TNFRSF13B: variants seen among roughly 807,000 people sequenced by gnomAD.
TNFRSF13B encodes tumor necrosis factor receptor superfamily member 13B.
Under a neutral mutation model 24.0 loss-of-function variants are expected in TNFRSF13B, and 34 were observed. The observed-to-expected ratio is 1.41, with a 90% CI of 1.08 to 1.88. TNFRSF13B has a LOEUF of 1.88. Ranked by LOEUF, TNFRSF13B falls within the 40% of genes most tolerant of loss-of-function variation. TNFRSF13B has a pLI of 0.00. For synonymous variants in TNFRSF13B, 173 were observed against 150.3 expected (o/e 1.15, Z -1.10); for missense variants, 415 against 380.8 (o/e 1.09, Z -0.75).
chr17:16,940,920 C>T, intron 3 of TNFRSF13B: 1 of 1,103,158 alleles, frequency 9.1e-7, no homozygotes, highest in Non-Finnish European at 1.1e-6. Context: ...TACAGTCGTC[C>T]CTTGGTATCC....
Position 16,939,407 on chromosome 17 carries a change from C to G in TNFRSF13B, c.*140G>C. 9.6e-7 allele frequency: 1 copy of G among 1,038,092 alleles called. No homozygotes were observed. Among genetic ancestry groups the G allele is most frequent in the East Asian group, 2.7e-5 (1 of 36,380 alleles). 64.3% of individuals were successfully genotyped at this position (1,038,092 alleles called of 1,614,324 possible). A position where few individuals can be genotyped will look rare whatever the true frequency, so the allele number is the denominator to read the frequency against. Reference sequence around the variant, plus strand: ...TCTCTCTCCCTCTGTCTCTCTCTCCCTCTCTGTCTCCTCTGTTTCTCTCCC... The same window carrying G: ...TCTCTCTCCCTCTGTCTCTCTCTCCGTCTCTGTCTCCTCTGTTTCTCTCCC... On this transcript the variant is annotated 3_prime_UTR_variant, in exon 5 of 5. Coordinates refer to ENST00000261652, the MANE Select transcript of TNFRSF13B (RefSeq NM_012452.3).
rs551158631 is a variant in TNFRSF13B, at chr17:16,939,271, G to A, written c.*276C>T. Reference sequence around the variant, plus strand: ...TCTCTCTGTCCCTCTCTCCCTCTCTGTCTCTCTGCCTCTCTCCCTCTCTGC... The same window carrying A: ...TCTCTCTGTCCCTCTCTCCCTCTCTATCTCTCTGCCTCTCTCCCTCTCTGC... On this transcript the variant is annotated 3_prime_UTR_variant, in exon 5 of 5. Coordinates refer to ENST00000261652, the MANE Select transcript of TNFRSF13B (RefSeq NM_012452.3). The A allele has an allele frequency of 4.6e-6, 2 of 433,562 alleles. No individual in the cohort carries two copies. Among genetic ancestry groups the A allele is most frequent in the Non-Finnish European group, 8.2e-6 (2 of 243,230 alleles). 26.9% of individuals were successfully genotyped at this position (433,562 alleles called of 1,614,324 possible).
chr17:16,939,798 C>T lies in TNFRSF13B; in HGVS notation c.632-1G>A. On this transcript the variant is annotated splice_acceptor_variant, in intron 4 of 4. Transcript: ENST00000261652. LOFTEE classifies it high-confidence loss of function. ...GGGCTGCCGGCTTCCATCGCGTGAT[C>T]TGCAGAGGCGAGAGTGGAGGGCGTG... 2 of 1,611,204 alleles carry T rather than the reference C, an allele frequency of 1.2e-6. No individual in the cohort carries two copies. The highest frequency in any genetic ancestry group is 1.7e-6 in the Non-Finnish European group (2 of 1,179,222).
intron 1 of TNFRSF13B, among the ~76,000 whole-genome samples, chr17:16,956,847 G>C (rs1178269036): frequency 3.9e-5 from 6 of 152,226 alleles, no homozygotes; most frequent in African/African-American, 1.4e-4. Flanking sequence ...GTGATTCCCA[G>C]GGGTTGGAGG....
chr17:16,941,274 C>A (rs530836125), intron 3 of TNFRSF13B: 1 of 987,606 alleles, frequency 1.0e-6, no homozygotes, highest in Non-Finnish European at 1.2e-6. Context: ...GTAGGACAGG[C>A]GACGTTACAC....
At chr17:16,967,138 C>T (rs193105707) in intron 1 of TNFRSF13B, among the ~76,000 whole-genome samples, 200 of 152,024 alleles carry the variant, frequency 1.3e-3, no homozygotes, top group Non-Finnish European at 1.6e-3. Context: ...CACGCCTGGC[C>T]AATTGCAGCA....
intron 3 of TNFRSF13B, among the ~76,000 whole-genome samples, chr17:16,945,467 G>A (rs753782843): frequency 3.9e-5 from 6 of 152,198 alleles, no homozygotes; most frequent in African/African-American, 1.4e-4. Flanking sequence ...GCTCACTCAC[G>A]CATTCCCTGT....
chr17:16,942,618 C>T (rs1185536749), intron 3 of TNFRSF13B, among the ~76,000 whole-genome samples: 3 of 152,208 alleles, frequency 2.0e-5, no homozygotes, highest in Admixed American at 2.0e-4. Flanking sequence ...AAATCAAATG[C>T]AAACACTGCC....
At chr17:16,970,321 G>A (rs889959101) in intron 1 of TNFRSF13B, among the ~76,000 whole-genome samples, 1 of 152,052 alleles carries the variant, frequency 6.6e-6, no homozygotes, top group African/African-American at 2.4e-5. Context: ...CCACAAATTT[G>A]GATGCAGGAT....
At chr17:16,946,550 T>C (rs2087549085) in intron 3 of TNFRSF13B, among the ~76,000 whole-genome samples, 1 of 151,270 alleles carries the variant, frequency 6.6e-6, no homozygotes, top group African/African-American at 2.4e-5. Flanking sequence ...TTTTCTTTAC[T>C]TATTTTTTAT....
chr17:16,940,436 A>ACGG lies in TNFRSF13B; in HGVS notation c.518_520dup (p.Ala173dup). ...CACCGCCACCAGGAAGCAGCAGAGG[A>ACGG]CGGCACACAGGCAGAGCCCCAGCGT... On this transcript the variant is annotated inframe_insertion, in exon 4 of 5. Transcript: ENST00000261652. 5.6e-6 allele frequency: 9 copies of ACGG among 1,613,986 alleles called. No individual in the cohort carries two copies. Among genetic ancestry groups the ACGG allele is most frequent in the Non-Finnish European group, 7.6e-6 (9 of 1,180,012 alleles).
rs2087595725 is a variant in TNFRSF13B at position 16,952,479 on chromosome 17, G to A, written c.166C>T (p.His56Tyr). 1 of 1,614,072 alleles carries A rather than the reference G, an allele frequency of 6.2e-7. No homozygotes were observed. The highest frequency in any genetic ancestry group is 1.7e-5 in the Admixed American group (1 of 60,008). Residue 56 changes from histidine to tyrosine, a missense_variant, in exon 2 of 5, where the codon CAT (histidine) becomes TAT (tyrosine). His to Tyr is a moderately conservative substitution (Grantham distance 83). Coordinates refer to ENST00000261652, the MANE Select transcript of TNFRSF13B (RefSeq NM_012452.3). ...GCTGCACAGGTGCGCTGGCTCTGATGGTTGCAAATGGTTTTGCAGGACATG... is the reference window on the plus strand; with the variant it reads ...GCTGCACAGGTGCGCTGGCTCTGATAGTTGCAAATGGTTTTGCAGGACATG... Reference protein sequence around the residue: ...TCMSCKTICNHQSQRTCAAFC... With the variant: ...TCMSCKTICNYQSQRTCAAFC...
intron 1 of TNFRSF13B, 92 bp from the exon 2 acceptor site, chr17:16,952,675 A>G (rs2087598220): frequency 6.3e-7 from 1 of 1,577,284 alleles, no homozygotes; most frequent in Non-Finnish European, 8.7e-7. Flanking sequence ...TCCTGCCCAC[A>G]TTCGCACAGA....
At chr17:16,971,801 A>G (rs1242716262) in intron 1 of TNFRSF13B, among the ~76,000 whole-genome samples, 3 of 152,186 alleles carry the variant, frequency 2.0e-5, no homozygotes, top group Non-Finnish European at 4.4e-5. Flanking sequence ...CTGCAACCTC[A>G]GTGGCTTCTG....
At chr17:16,954,386 A>G (rs1029907105) in intron 1 of TNFRSF13B, among the ~76,000 whole-genome samples, 1 of 152,172 alleles carries the variant, frequency 6.6e-6, no homozygotes, top group East Asian at 1.9e-4. Context: ...CCAGTCTCTA[A>G]AAAAGGAAAA....
intron 3 of TNFRSF13B, among the ~76,000 whole-genome samples, chr17:16,943,555 C>T (rs902421437): frequency 1.3e-5 from 2 of 152,154 alleles, no homozygotes; most frequent in Admixed American, 6.5e-5. Flanking sequence ...CTGCTGCTAT[C>T]GCCACCATCC....
At position 16,967,749 on chromosome 17, in the gene TNFRSF13B, C is replaced by CT. The variant is rs2087712750; in HGVS notation, c.61+4265dup. ...CCTGGGCGACAGAGTGAGACTCCGT[C>CT]TCAAAAAAAAAAAAAAAAAAAAAGA... On this transcript the variant is annotated intron_variant, in intron 1 of 4. Transcript: ENST00000261652. Among the ~76,000 whole-genome samples the CT allele has an allele frequency of 5.8e-5, 3 of 51,520 alleles. 1 individual carries two copies. Among genetic ancestry groups the CT allele is most frequent in the African/African-American group, 1.5e-4 (1 of 6,886 alleles). 33.8% of individuals were successfully genotyped at this position (51,520 alleles called of 152,430 possible).
rs146921826 is a variant in TNFRSF13B, at chr17:16,968,957, T to C, written c.61+3058A>G. On this transcript the variant is annotated intron_variant, in intron 1 of 4. Transcript: ENST00000261652. ...GAAGCACATGAAAAGATGCTTAACA[T>C]CATTTGTCACTAGGGAAATGCAAAT... Among the ~76,000 whole-genome samples, 28 of 152,348 alleles carry C rather than the reference T, an allele frequency of 1.8e-4. 1 individual carries two copies. The East Asian group carries it at 5.4e-3, about 29-fold the overall frequency.
chr17:16,942,088 T>A (rs11651187), intron 3 of TNFRSF13B, among the ~76,000 whole-genome samples: 34,150 of 152,176 alleles, frequency 0.22, 4,092 homozygotes, highest in Admixed American at 0.29. Flanking sequence ...TGTGGATGGA[T>A]GTTTTCCATT....
Sources: gnomAD v4.1 joint callset for allele counts (sites outside exome capture counted in the v4.1 genomes callset) on GRCh38, gnomAD v4.1.1 for gene constraint, MANE v1.5 for transcripts, NCBI Gene and HGNC (gene_info 2026-07-23, HGNC 2026-07-21) for gene names.